Variants in CCDC92B observed in about 807,000 individuals in gnomAD.
CCDC92B encodes the protein coiled-coil domain-containing 92B.
Under a neutral mutation model 5.6 loss-of-function variants are expected in CCDC92B, and 2 were observed. The observed-to-expected ratio is 0.36, with a 90% CI of 0.15 to 1.12. The LOEUF is 1.12. Among genes scored for constraint, CCDC92B ranks in the 50% most tolerant of loss-of-function variants. CCDC92B has a pLI of 0.40. For missense variants in CCDC92B, 271 were observed against 262.2 expected, an observed-to-expected ratio of 1.03 and a Z score of -0.23; for synonymous variants, 115 against 122.3, an observed-to-expected ratio of 0.94 and a Z score of 0.39.
chr17:2,732,279 T>C (rs1044042666), intron 2 of CCDC92B, among the ~76,000 whole-genome samples: 1 of 152,118 alleles, frequency 6.6e-6, no homozygotes, highest in African/African-American at 2.4e-5. Flanking sequence ...CCCAACCGCC[T>C]CCCAGCTCTG....
At chr17:2,736,052 C>T (rs2070853922) in intron 1 of CCDC92B, among the ~76,000 whole-genome samples, 1 of 152,220 alleles carries the variant, frequency 6.6e-6, no homozygotes, top group Admixed American at 6.5e-5. Context: ...CCAGGCTCCT[C>T]CAAGTGGCAG....
chr17:2,729,603 G>C (rs962142360), intron 3 of CCDC92B, among the ~76,000 whole-genome samples: 6 of 151,926 alleles, frequency 3.9e-5, no homozygotes, highest in Non-Finnish European at 5.9e-5. Context: ...CTTATAATCT[G>C]ATGATAAAGA....
rs1283349605 is a variant in CCDC92B at position 2,732,403 on chromosome 17, A to G, written c.131-1910T>C. ...AAGAGTGGCTGCTCTAGCCTAGCCT[A>G]GTTATTTTCATCTCCTTAATAACCT... is the stretch of plus-strand genomic sequence containing the variant. On this transcript the variant is annotated intron_variant, in intron 2 of 3. Transcript: ENST00000614400. Among the ~76,000 whole-genome samples the G allele has an allele frequency of 3.9e-5, 6 of 152,260 alleles. No individual in the cohort carries two copies. In the East Asian group the frequency reaches 1.2e-3, roughly 29 times the overall value.
chr17:2,739,309 G>C (rs1166767412), intron 1 of CCDC92B, among the ~76,000 whole-genome samples: 1 of 151,730 alleles, frequency 6.6e-6, no homozygotes, highest in Admixed American at 6.6e-5. Flanking sequence ...AGAGGTTGCA[G>C]TGAGCTGAGA....
rs755161060 is a variant in CCDC92B at position 2,734,998 on chromosome 17, C to T, written c.130+18G>A. On this transcript the variant is annotated intron_variant, in intron 2 of 3. Coordinates refer to ENST00000614400, the MANE Select transcript of CCDC92B (RefSeq NM_001355573.2). The stretch of plus-strand genomic sequence containing the variant: ...AGTGACCTCTCCCCACCCGTCCAGC[C>T]GCCTCTCCTGGCCTCACCTGAGCAG... The T allele has an allele frequency of 8.1e-6, 8 of 985,424 alleles. No homozygotes were observed. Among genetic ancestry groups the T allele is most frequent in the East Asian group, 1.1e-4 (1 of 8,828 alleles). 61.0% of individuals were successfully genotyped at this position (985,424 alleles called of 1,614,324 possible).
chr17:2,733,581 T>G (rs1304391291), intron 2 of CCDC92B, among the ~76,000 whole-genome samples: 1 of 150,874 alleles, frequency 6.6e-6, no homozygotes, highest in African/African-American at 2.4e-5. Flanking sequence ...ATTTTGTTAT[T>G]GCAATGAAAA....
At chr17:2,727,483 G>A (rs368652123) in intron 3 of CCDC92B, among the ~76,000 whole-genome samples, 2 of 152,084 alleles carry the variant, frequency 1.3e-5, no homozygotes, top group African/African-American at 2.4e-5. Context: ...GTAGGCAGCC[G>A]AAAGTGGCAA....
chr17:2,741,632 G>A lies in CCDC92B; in HGVS notation c.-23-6464C>T, dbSNP rs373828243. On this transcript the variant is annotated intron_variant, in intron 1 of 3. Coordinates refer to ENST00000614400, the MANE Select transcript of CCDC92B (RefSeq NM_001355573.2). ...TTTTGAGATGGAGTCTCGCTCTGTC[G>A]CCCAGGCTGGAGTGCAGTGGTGTGA... 2.8e-5 allele frequency among the ~76,000 whole-genome samples: 4 copies of A among 140,730 alleles called. No individual in the cohort carries two copies. In the South Asian group the frequency reaches 6.9e-4, roughly 24 times the overall value. The allele number at this position is 140,730 out of a possible 152,430, so 92.3% of individuals were successfully genotyped here. A position where few individuals can be genotyped will look rare whatever the true frequency, so the allele number is the denominator to read the frequency against.
In CCDC92B at chr17:2,737,126, T is replaced by A. The variant is rs938402183; in HGVS notation, c.-23-1958A>T. ...ACTCTGTTCTGTGATAATCAGCATC[T>A]TGGACAAGCAGAGGCAGACCGCGAA... On this transcript the variant is annotated intron_variant, in intron 1 of 3. Transcript: ENST00000614400. 2.0e-5 allele frequency among the ~76,000 whole-genome samples: 3 copies of A among 151,950 alleles called. No individual in the cohort carries two copies. In the East Asian group the frequency reaches 5.9e-4, roughly 30 times the overall value.
intron 1 of CCDC92B, among the ~76,000 whole-genome samples, chr17:2,742,428 T>A (rs1435935060): frequency 6.6e-6 from 1 of 151,906 alleles, no homozygotes; most frequent in Non-Finnish European, 1.5e-5. Flanking sequence ...ATGATGGAGG[T>A]GAAGGCGGAG....
At chr17:2,734,899 C>T in intron 2 of CCDC92B, 117 bp downstream of exon 2, 1 of 747,952 alleles carries the variant, frequency 1.3e-6, no homozygotes, top group Non-Finnish European at 1.6e-6. Flanking sequence ...AAAGAGGCAG[C>T]AGAATCGGTG....
intron 3 of CCDC92B, among the ~76,000 whole-genome samples, chr17:2,725,241 G>C (rs1445583422): frequency 6.6e-6 from 1 of 151,894 alleles, no homozygotes; most frequent in Non-Finnish European, 1.5e-5. Flanking sequence ...GGGCGTGGTG[G>C]TGGTGGTGGT....
chr17:2,729,449 G>A (rs1178043269), intron 3 of CCDC92B, among the ~76,000 whole-genome samples: 5 of 147,372 alleles, frequency 3.4e-5, no homozygotes, highest in East Asian at 2.0e-4. Flanking sequence ...AGCCGAGATC[G>A]TGCCACTGCA....
rs938135083 is a variant in CCDC92B at position 2,723,911 on chromosome 17, T to C, written c.*500A>G. Reference sequence around the variant, plus strand: ...GGGTGGGGGTAGAAGGACCAGCCCCTAGCCTGGGCCTCTCCTGGGGAGGAA... The same window carrying C: ...GGGTGGGGGTAGAAGGACCAGCCCCCAGCCTGGGCCTCTCCTGGGGAGGAA... On this transcript the variant is annotated 3_prime_UTR_variant, in exon 4 of 4. Transcript: ENST00000614400. 2 of 979,608 alleles carry C rather than the reference T, an allele frequency of 2.0e-6. No homozygotes were observed. Among genetic ancestry groups the C allele is most frequent in the African/African-American group, 3.6e-5 (2 of 56,068 alleles). The allele number at this position is 979,608 out of a possible 1,614,324, so 60.7% of individuals were successfully genotyped here.
At chr17:2,746,282 T>C (rs1335676659) in intron 1 of CCDC92B, among the ~76,000 whole-genome samples, 1 of 152,166 alleles carries the variant, frequency 6.6e-6, no homozygotes, top group African/African-American at 2.4e-5. Context: ...GCGCCCAGCC[T>C]TTCCTGTTAA....
At chr17:2,731,375 G>A (rs988904975) in intron 2 of CCDC92B, among the ~76,000 whole-genome samples, 15 of 152,156 alleles carry the variant, frequency 9.9e-5, no homozygotes, top group Non-Finnish European at 1.8e-4. Flanking sequence ...TCAAGAACTG[G>A]TACAAGGGCA....
At chr17:2,727,644 C>G (rs185520807) in intron 3 of CCDC92B, among the ~76,000 whole-genome samples, 1 of 151,794 alleles carries the variant, frequency 6.6e-6, no homozygotes, top group South Asian at 2.1e-4. Flanking sequence ...GCCAGCATGG[C>G]GAAACCCCGT....
Position 2,724,523 on chromosome 17 carries a change from G to A in CCDC92B, c.656C>T (p.Pro219Leu). The A allele has an allele frequency of 2.0e-6, 2 of 982,576 alleles. No homozygotes were observed. Among genetic ancestry groups the A allele is most frequent in the Non-Finnish European group, 2.4e-6 (2 of 828,856 alleles). The allele number at this position is 982,576 out of a possible 1,614,324, so 60.9% of individuals were successfully genotyped here. A position where few individuals can be genotyped will look rare whatever the true frequency, so the allele number is the denominator to read the frequency against. ...CGGGCTGCGGGCGCTGGGCCGCAGC[G>A]GCCTGCGTGCATAGAGGAAGAGCGC... ...DPALFLYARR[P>L]LRPSARSPRQ... is the part of the protein sequence containing the mutation. The change falls in exon 4 of 4, where the codon CCG becomes CTG. Residue 219 changes from proline to leucine, a missense_variant. Coordinates refer to ENST00000614400, the MANE Select transcript of CCDC92B (RefSeq NM_001355573.2). The surrounding 1 kb of genome is among the most constrained non-coding windows in gnomAD (Gnocchi z 5.0).
At chr17:2,749,087 G>A (rs2071023766) in intron 1 of CCDC92B, among the ~76,000 whole-genome samples, 1 of 152,214 alleles carries the variant, frequency 6.6e-6, no homozygotes, top group South Asian at 2.1e-4. Flanking sequence ...GTTGGGGGGG[G>A]GATGTGGAGA....
Sources: allele counts gnomAD v4.1 joint callset (sites outside exome capture counted in the v4.1 genomes callset), GRCh38; gene constraint gnomAD v4.1.1; non-coding constraint Gnocchi (gnomAD v3.1); transcripts MANE v1.5; gene names NCBI Gene and HGNC (gene_info 2026-07-23, HGNC 2026-07-21).